The following IQCJ variants were observed in gnomAD, a reference collection of about 807,000 sequenced individuals.
IQCJ encodes IQ domain-containing protein J.
In IQCJ, 9 loss-of-function variants were observed where a neutral mutation model predicts 11.0. The observed-to-expected ratio is 0.82, with a 90% CI of 0.49 to 1.43. IQCJ has a LOEUF of 1.43. Ranked by LOEUF, IQCJ falls within the 40% of genes most tolerant of loss-of-function variation. IQCJ has a pLI of 0.00. For synonymous variants in IQCJ, 55 were observed against 51.3 expected (o/e 1.07, Z -0.31); for missense variants, 146 against 133.2 (o/e 1.10, Z -0.47).
Position 159,261,223 on chromosome 3 carries a change from A to G in IQCJ, c.156-1325A>G, listed in dbSNP as rs116285402. On this transcript the variant is annotated intron_variant, in intron 3 of 3. Transcript: ENST00000397832. Reference sequence around the variant, plus strand: ...AGAGATCAGATGCTTCCAGGAGTTTAGAAGAGATAGTGATAGAATTAATAC... The same window carrying G: ...AGAGATCAGATGCTTCCAGGAGTTTGGAAGAGATAGTGATAGAATTAATAC... Among the ~76,000 whole-genome samples the G allele has an allele frequency of 7.3e-3, 1,115 of 152,318 alleles. 10 individuals carry two copies. Among genetic ancestry groups the G allele is most frequent in the Non-Finnish European group, 8.8e-3 (600 of 68,026 alleles).
chr3:159,206,604 A>G (rs1724669058), intron 1 of IQCJ, among the ~76,000 whole-genome samples: 1 of 152,220 alleles, frequency 6.6e-6, no homozygotes, highest in South Asian at 2.1e-4. Context: ...ATGTGTGTTC[A>G]TCTTTGTGAT....
chr3:159,221,636 T>C (rs1725551955), intron 1 of IQCJ, among the ~76,000 whole-genome samples: 1 of 152,116 alleles, frequency 6.6e-6, no homozygotes, highest in Non-Finnish European at 1.5e-5. Flanking sequence ...GTCAGCTTTC[T>C]ACATTTTTCC....
chr3:159,131,576 C>T (rs535520764), intron 1 of IQCJ, among the ~76,000 whole-genome samples: 5 of 152,176 alleles, frequency 3.3e-5, no homozygotes, highest in Non-Finnish European at 2.9e-5. Context: ...GCAATTCTCA[C>T]TGAGCTTTAG....
Position 159,262,655 on chromosome 3 carries a change from T to C in IQCJ, c.263T>C (p.Met88Thr). 1 of 1,614,038 alleles carries C rather than the reference T, an allele frequency of 6.2e-7. No individual in the cohort carries two copies. Among genetic ancestry groups the C allele is most frequent in the Non-Finnish European group, 8.5e-7 (1 of 1,179,880 alleles). The part of the protein sequence containing the change: ...SSEKLSSSVS[M>T]NTFSDSSTPV... Reference sequence around the variant, plus strand: ...GAGAAGCTGAGCAGCTCTGTCAGCATGAACACCTTCTCCGACAGCAGCACA... The same window carrying C: ...GAGAAGCTGAGCAGCTCTGTCAGCACGAACACCTTCTCCGACAGCAGCACA... The change falls in exon 4 of 4, where the codon ATG becomes ACG. Residue 88 changes from methionine (M) to threonine (T), a missense_variant. Met to Thr is a moderately conservative substitution (Grantham distance 81). Transcript: ENST00000397832.
intron 1 of IQCJ, among the ~76,000 whole-genome samples, chr3:159,120,823 C>T (rs1425876375): frequency 2.6e-5 from 4 of 152,190 alleles, no homozygotes; most frequent in Admixed American, 6.5e-5. Context: ...CTAGAACTGT[C>T]GGAGCTGCTA....
intron 1 of IQCJ, among the ~76,000 whole-genome samples, chr3:159,104,841 G>A (rs543672713): frequency 1.2e-4 from 19 of 152,192 alleles, no homozygotes; most frequent in East Asian, 1.9e-4. Flanking sequence ...ATGTTTAACC[G>A]TCTGTTCTGT....
At chr3:159,264,185 A>C (rs1334623665), downstream of IQCJ, among the ~76,000 whole-genome samples, 2 of 152,220 alleles carry the variant, frequency 1.3e-5, no homozygotes, top group African/African-American at 4.8e-5. Flanking sequence ...GACAATTCTC[A>C]ATTGCTGCTG....
At chr3:159,111,483 A>T (rs940505310) in intron 1 of IQCJ, among the ~76,000 whole-genome samples, 3 of 152,112 alleles carry the variant, frequency 2.0e-5, no homozygotes, top group African/African-American at 7.2e-5. Flanking sequence ...GTGTTCTGGG[A>T]GAATCTTGAA....
chr3:159,085,858 T>G (rs1190767647), intron 1 of IQCJ, among the ~76,000 whole-genome samples: 2 of 151,138 alleles, frequency 1.3e-5, no homozygotes, highest in South Asian at 4.2e-4. Flanking sequence ...TTTCTCCCAT[T>G]TTATAGGTTG....
intron 1 of IQCJ, among the ~76,000 whole-genome samples, chr3:159,081,157 G>T (rs1394168724): frequency 6.6e-6 from 1 of 152,098 alleles, no homozygotes; most frequent in Non-Finnish European, 1.5e-5. Context: ...TCTTGTAGGT[G>T]TCTTTTATTG....
At chr3:159,090,072 T>C (rs181504256) in intron 1 of IQCJ, among the ~76,000 whole-genome samples, 2,729 of 151,884 alleles carry the variant, frequency 0.018, 31 homozygotes, top group Middle Eastern at 0.034. Context: ...TGGTCTTTGA[T>C]GATGGTGATG....
intron 1 of IQCJ, among the ~76,000 whole-genome samples, chr3:159,139,906 T>A (rs1489997325): frequency 6.6e-6 from 1 of 152,228 alleles, no homozygotes; most frequent in African/African-American, 2.4e-5. Flanking sequence ...CATTTAGCCG[T>A]GGACAGGGCC....
At chr3:159,264,248 G>A (rs114472652), downstream of IQCJ, among the ~76,000 whole-genome samples, 297 of 152,200 alleles carry the variant, frequency 2.0e-3, 2 homozygotes, top group African/African-American at 6.7e-3. Context: ...TTAACCTTTC[G>A]GTTTTATTGG....
chr3:159,158,192 C>T (rs1029481095), intron 1 of IQCJ, among the ~76,000 whole-genome samples: 1 of 152,146 alleles, frequency 6.6e-6, no homozygotes, highest in South Asian at 2.1e-4. Context: ...AGAAAAACTA[C>T]AAATCTTTTT....
chr3:159,139,972 T>C (rs1720508558), intron 1 of IQCJ, among the ~76,000 whole-genome samples: 2 of 152,156 alleles, frequency 1.3e-5, no homozygotes, highest in Admixed American at 1.3e-4. Flanking sequence ...AAAGATAGGA[T>C]ATAATTTTTT....
chr3:159,069,382 C>A lies in IQCJ; in HGVS notation c.-51C>A, dbSNP rs1245458947. The A allele has an allele frequency of 1.3e-6, 2 of 1,591,344 alleles. No homozygotes were observed. The highest frequency in any genetic ancestry group is 4.5e-5 in the East Asian group (2 of 44,688). On this transcript the variant is annotated 5_prime_UTR_variant, in exon 1 of 4. Coordinates refer to ENST00000397832, the MANE Select transcript of IQCJ (RefSeq NM_001042706.3). ...TGTGATTCTGAGGAATACAGTGTGC[C>A]AGCATCCGATCCAGTCTCCTTTCAC...
chr3:159,204,263 C>G (rs1034997111), intron 1 of IQCJ, among the ~76,000 whole-genome samples: 5 of 152,260 alleles, frequency 3.3e-5, no homozygotes, highest in African/African-American at 4.8e-5. Flanking sequence ...TTCTAGACTG[C>G]AGCCTCAGCT....
At chr3:159,223,055 A>C (rs1725642398) in intron 1 of IQCJ, among the ~76,000 whole-genome samples, 1 of 152,136 alleles carries the variant, frequency 6.6e-6, no homozygotes, top group Non-Finnish European at 1.5e-5. Flanking sequence ...CAAGGAAAAA[A>C]CATGTTTGCC....
chr3:159,206,021 TC>T (rs1000273574), intron 1 of IQCJ, among the ~76,000 whole-genome samples: 21 of 152,150 alleles, frequency 1.4e-4, no homozygotes, highest in African/African-American at 4.6e-4. Flanking sequence ...TTTCTTCTTT[TC>T]TTTATCTTCT....
Sources: allele counts gnomAD v4.1 joint callset (sites outside exome capture counted in the v4.1 genomes callset), GRCh38; gene constraint gnomAD v4.1.1; transcripts MANE v1.5; gene names NCBI Gene and HGNC (gene_info 2026-07-23, HGNC 2026-07-21).